Variants in ABL2 observed in about 807,000 individuals in gnomAD.
The protein encoded by ABL2 is ABL proto-oncogene 2, non-receptor tyrosine kinase.
A neutral mutation model predicts 107.7 loss-of-function variants in ABL2; 49 were observed. The ratio of observed to expected loss-of-function variants is 0.45; its 90% CI spans 0.36 to 0.58. The LOEUF (loss-of-function observed/expected upper bound fraction) is 0.58. Ranked by LOEUF, ABL2 falls within the 20% of genes least tolerant of loss-of-function variation. ABL2 has a pLI of 0.00. For missense variants in ABL2, 1,245 were observed against 1,457.0 expected (o/e 0.85, Z 2.37); for synonymous variants, 549 against 548.6 (o/e 1.00, Z -0.01).
intron 1 of ABL2, among the ~76,000 whole-genome samples, chr1:179,216,044 C>T (rs571820020): frequency 9.8e-5 from 15 of 152,286 alleles, no homozygotes; most frequent in Non-Finnish European, 1.8e-4. Flanking sequence ...TTTTTGAACA[C>T]TTCTTCTCCC....
intron 1 of ABL2, 134 bp downstream of exon 1, chr1:179,229,107 G>C: frequency 8.7e-7 from 1 of 1,151,684 alleles, no homozygotes; most frequent in East Asian, 3.0e-5. Flanking sequence ...GGACCAGATG[G>C]CAGCGGATTC....
At chr1:179,143,845 C>T (rs1057446071) in intron 1 of ABL2, among the ~76,000 whole-genome samples, 1 of 151,942 alleles carries the variant, frequency 6.6e-6, no homozygotes, top group East Asian at 1.9e-4. Flanking sequence ...TACAGGCGCC[C>T]GCCACCACGC....
intron 1 of ABL2, among the ~76,000 whole-genome samples, chr1:179,225,970 G>C (rs1663173658): frequency 6.7e-6 from 1 of 149,802 alleles, no homozygotes. Flanking sequence ...CGTGAACCCG[G>C]GAGGCGGAGC....
chr1:179,227,924 G>A (rs1330982184), intron 1 of ABL2, among the ~76,000 whole-genome samples: 6 of 151,024 alleles, frequency 4.0e-5, no homozygotes, highest in East Asian at 2.0e-4. Flanking sequence ...GGTGGCGGGC[G>A]CCTGTAATCC....
intron 1 of ABL2, among the ~76,000 whole-genome samples, chr1:179,180,418 G>A (rs1007820010): frequency 6.6e-6 from 1 of 152,166 alleles, no homozygotes; most frequent in African/African-American, 2.4e-5. Context: ...TGCCACGAAG[G>A]TTCTAGAGGA....
chr1:179,140,887 T>TG (rs1177555239), intron 1 of ABL2, among the ~76,000 whole-genome samples: 8 of 152,166 alleles, frequency 5.3e-5, no homozygotes, highest in Non-Finnish European at 1.0e-4. Context: ...CTAGCGTCTG[T>TG]AATCCCAGCA....
intron 1 of ABL2, among the ~76,000 whole-genome samples, chr1:179,149,306 C>G (rs1308009647): frequency 1.3e-5 from 2 of 152,162 alleles, no homozygotes; most frequent in Non-Finnish European, 2.9e-5. Context: ...AAGGAAGCTG[C>G]AGAAGAAAAG....
intron 4 of ABL2, among the ~76,000 whole-genome samples, chr1:179,124,807 T>A (rs1655586402): frequency 6.6e-6 from 1 of 152,176 alleles, no homozygotes; most frequent in Admixed American, 6.5e-5. Flanking sequence ...CAATATGTAT[T>A]GTTTTATGTC....
Position 179,101,278 on chromosome 1 carries a change from A to G in ABL2, c.*6440T>C. On this transcript the variant is annotated 3_prime_UTR_variant, in exon 12 of 12. Coordinates refer to ENST00000502732, the MANE Select transcript of ABL2 (RefSeq NM_007314.4). ...CCTGCCACAGGCCTCCTTACCTGGG[A>G]AGAAGTATGGGATCTTCTTATCTTG... is the stretch of plus-strand genomic sequence containing the variant. 4.6e-6 allele frequency: 1 copy of G among 218,858 alleles called. No individual in the cohort carries two copies. 13.6% of individuals were successfully genotyped at this position (218,858 alleles called of 1,614,324 possible).
intron 1 of ABL2, chr1:179,221,793 C>CA (rs34844213): frequency 0.03 from 5,714 of 188,756 alleles, 155 homozygotes; most frequent in East Asian, 0.088. Context: ...AGGATTTTAC[C>CA]AAAAAAAAAA....
intron 1 of ABL2, among the ~76,000 whole-genome samples, chr1:179,173,793 T>C (rs552725837): frequency 6.6e-6 from 1 of 152,306 alleles, no homozygotes; most frequent in African/African-American, 2.4e-5. Context: ...TTAAGTATTA[T>C]ATCAATTATT....
intron 5 of ABL2, among the ~76,000 whole-genome samples, chr1:179,121,117 A>G (rs192456980): frequency 3.3e-5 from 5 of 152,282 alleles, no homozygotes; most frequent in Non-Finnish European, 7.4e-5. Context: ...ATAATTTGAT[A>G]CTGGGATGTT....
intron 1 of ABL2, among the ~76,000 whole-genome samples, chr1:179,172,564 T>C (rs1462069397): frequency 6.6e-6 from 1 of 152,208 alleles, no homozygotes; most frequent in Non-Finnish European, 1.5e-5. Context: ...TAACTTGTAC[T>C]AAGATGTTAA....
chr1:179,110,866 C>A (rs193251928), intron 10 of ABL2: 1 of 1,613,680 alleles, frequency 6.2e-7, no homozygotes, highest in Non-Finnish European at 8.5e-7. Flanking sequence ...ACAGGGTATA[C>A]GTGTATTCAG....
In ABL2 at chr1:179,108,797, C is replaced by T. The variant is rs1653733239; in HGVS notation, c.2470G>A (p.Glu824Lys). 6.2e-7 allele frequency: 1 copy of T among 1,614,204 alleles called. No homozygotes were observed. Among genetic ancestry groups the T allele is most frequent in the Non-Finnish European group, 8.5e-7 (1 of 1,180,030 alleles). Residue 824 changes from glutamate (E) to lysine (K), a missense_variant, in exon 12 of 12, where the codon GAG (glutamate) becomes AAG (lysine). Glu to Lys is a moderately conservative substitution (Grantham distance 56, BLOSUM62 1). This residue lies in a region of ABL2 where 761 missense variants were observed against 766.4 expected (regional missense o/e 0.99). Transcript: ENST00000502732. The part of the protein sequence containing the change: ...RTVSTSSQPE[E>K]NVDRANDMLP... The stretch of plus-strand genomic sequence containing the variant: ...ATGTCATTGGCCCTGTCCACATTCT[C>T]TTCTGGCTGAGAAGAGGTGGACACT...
rs755370818 is a variant in ABL2, at chr1:179,108,976, C to T, written c.2291G>A (p.Arg764Gln). ...PRLIKKTLGL[R>Q]AGKPTASDDT... ...ATCACTGGCTGTGGGTTTACCTGCTCGTAAGCCCAGTGTCTTTTTGATTAA... is the reference window on the plus strand; with the variant it reads ...ATCACTGGCTGTGGGTTTACCTGCTTGTAAGCCCAGTGTCTTTTTGATTAA... Residue 764 changes from arginine (R) to glutamine (Q), a missense_variant, in exon 12 of 12, where the codon CGA becomes CAA. Arg to Gln is a conservative substitution (Grantham distance 43). Transcript: ENST00000502732. 3.1e-6 allele frequency: 5 copies of T among 1,613,970 alleles called. No homozygotes were observed. The highest frequency in any genetic ancestry group is 2.2e-5 in the South Asian group (2 of 91,080).
At chr1:179,135,572 T>C (rs1370778397) in intron 1 of ABL2, among the ~76,000 whole-genome samples, 2 of 150,036 alleles carry the variant, frequency 1.3e-5, no homozygotes, top group African/African-American at 2.5e-5. Context: ...CGTCTCCTCC[T>C]GGCAGCCACC....
chr1:179,122,292 A>AG (rs1655292368), intron 4 of ABL2, among the ~76,000 whole-genome samples: 1 of 151,490 alleles, frequency 6.6e-6, no homozygotes, highest in Admixed American at 6.6e-5. Flanking sequence ...AAAAAAAAAA[A>AG]AAAAAAATAT....
At chr1:179,138,803 G>A (rs904234874) in intron 1 of ABL2, among the ~76,000 whole-genome samples, 15 of 152,216 alleles carry the variant, frequency 9.9e-5, no homozygotes, top group East Asian at 1.9e-4. Flanking sequence ...GGCCAAGGCC[G>A]GAGCCCACTC....
Sources: gnomAD v4.1 joint callset for allele counts (sites outside exome capture counted in the v4.1 genomes callset) on GRCh38, gnomAD v4.1.1 for gene constraint, gnomAD v4.1.1 regional missense constraint, MANE v1.5 for transcripts, NCBI Gene and HGNC (gene_info 2026-07-23, HGNC 2026-07-21) for gene names.